DTX1: variants seen among roughly 807,000 people sequenced by gnomAD.
DTX1 encodes deltex E3 ubiquitin ligase 1.
Under a neutral mutation model 57.8 loss-of-function variants are expected in DTX1, and 26 were observed. That is an observed-to-expected ratio of 0.45 (90% CI 0.33 to 0.62). The LOEUF is 0.62. Among genes scored for constraint, DTX1 ranks in the 20% least tolerant of loss-of-function variants. DTX1 has a pLI of 0.02. For missense variants in DTX1, 704 were observed against 895.3 expected, an observed-to-expected ratio of 0.79 and a Z score of 2.73; for synonymous variants, 398 against 394.1, an observed-to-expected ratio of 1.01 and a Z score of -0.12.
In DTX1 at chr12:113,079,621, G is replaced by A. The variant is rs566715447; in HGVS notation, c.941+1516G>A. Among the ~76,000 whole-genome samples the A allele has an allele frequency of 4.1e-5, 6 of 145,914 alleles. No homozygotes were observed. In the East Asian group the frequency reaches 1.0e-3, roughly 25 times the overall value. Reference sequence around the variant, plus strand: ...CCACTGACTGCAACTTCTGCCTCCAGGGTTCAAGTGATTCTTCTGCCTCAG... The same window carrying A: ...CCACTGACTGCAACTTCTGCCTCCAAGGTTCAAGTGATTCTTCTGCCTCAG... On this transcript the variant is annotated intron_variant, in intron 3 of 9. Coordinates refer to ENST00000548759, the MANE Select transcript of DTX1 (RefSeq NM_004416.3).
chr12:113,065,594 C>T (rs1320278231), intron 2 of DTX1, among the ~76,000 whole-genome samples: 1 of 152,142 alleles, frequency 6.6e-6, no homozygotes, highest in Non-Finnish European at 1.5e-5. Context: ...AAAGGAGCTG[C>T]GGAGTCTGAC....
At chr12:113,069,356 G>A (rs1566014798) in intron 2 of DTX1, among the ~76,000 whole-genome samples, 2 of 151,910 alleles carry the variant, frequency 1.3e-5, no homozygotes, top group Non-Finnish European at 2.9e-5. Flanking sequence ...GCCCGCCTCC[G>A]CCTGCCAGCA....
chr12:113,059,277 G>A (rs1471878515), intron 2 of DTX1, among the ~76,000 whole-genome samples: 5 of 152,118 alleles, frequency 3.3e-5, no homozygotes, highest in South Asian at 2.1e-4. Context: ...TGATAGTTGT[G>A]TTGGTGGTGG....
At chr12:113,073,132 C>T (rs1347027178) in intron 2 of DTX1, among the ~76,000 whole-genome samples, 2 of 152,140 alleles carry the variant, frequency 1.3e-5, no homozygotes, top group Non-Finnish European at 1.5e-5. Flanking sequence ...CCATTGCTTC[C>T]CTTCCTATCC....
At chr12:113,073,083 A>C (rs2044748513) in intron 2 of DTX1, among the ~76,000 whole-genome samples, 1 of 152,058 alleles carries the variant, frequency 6.6e-6, no homozygotes, top group Non-Finnish European at 1.5e-5. Context: ...TGCCGAGCTC[A>C]GGATTTGGCA....
intron 2 of DTX1, among the ~76,000 whole-genome samples, chr12:113,072,806 C>T (rs988823515): frequency 3.4e-5 from 5 of 148,030 alleles, no homozygotes; most frequent in Non-Finnish European, 4.4e-5. Flanking sequence ...TGGGTTCAAG[C>T]GATTCTCATG....
At chr12:113,086,695 ATT>A (rs1260826052) in intron 3 of DTX1, among the ~76,000 whole-genome samples, 2 of 149,250 alleles carry the variant, frequency 1.3e-5, no homozygotes, top group Non-Finnish European at 3.0e-5. Flanking sequence ...TTATGCTTTT[ATT>A]TTTAAAAAAT....
rs569941599 is a variant in DTX1 at position 113,095,349 on chromosome 12, A to G, written c.1573A>G (p.Lys525Glu). The change falls in exon 9 of 10, where the codon AAG (lysine) becomes GAG (glutamate). Residue 525 changes from lysine to glutamate, a missense_variant. Transcript: ENST00000548759. The part of the protein sequence containing the change: ...IQGPEHPNPG[K>E]KFTARGFPRH... Reference sequence around the variant, plus strand: ...GGGCCCTGAGCACCCCAACCCCGGGAAGAAGTTCACCGCAAGAGGATTCCC... The same window carrying G: ...GGGCCCTGAGCACCCCAACCCCGGGGAGAAGTTCACCGCAAGAGGATTCCC... 2.5e-6 allele frequency: 4 copies of G among 1,614,142 alleles called. No homozygotes were observed. In the African/African-American group the frequency reaches 5.3e-5, roughly 22 times the overall value.
chr12:113,074,443 G>C (rs370777780), intron 2 of DTX1, among the ~76,000 whole-genome samples: 4 of 152,290 alleles, frequency 2.6e-5, no homozygotes, highest in African/African-American at 7.2e-5. Context: ...GACAGTGCCT[G>C]GTGTATTTGA....
chr12:113,065,388 G>C (rs1359330016), intron 2 of DTX1, among the ~76,000 whole-genome samples: 2 of 152,156 alleles, frequency 1.3e-5, no homozygotes, highest in South Asian at 4.2e-4. Flanking sequence ...GCCCTTCCCA[G>C]GCTCGCCCGG....
chr12:113,061,473 G>T (rs1463442416), intron 2 of DTX1, among the ~76,000 whole-genome samples: 1 of 152,204 alleles, frequency 6.6e-6, no homozygotes, highest in African/African-American at 2.4e-5. Context: ...GCCTCAACCG[G>T]CAGGGAGCAG....
intron 2 of DTX1, among the ~76,000 whole-genome samples, chr12:113,063,702 T>C (rs907868986): frequency 6.6e-6 from 1 of 152,234 alleles, no homozygotes; most frequent in African/African-American, 2.4e-5. Context: ...TGGCTGGTTC[T>C]GGGATCTTCC....
At chr12:113,061,298 A>C (rs538587269) in intron 2 of DTX1, among the ~76,000 whole-genome samples, 38 of 152,284 alleles carry the variant, frequency 2.5e-4, no homozygotes, top group Admixed American at 2.4e-3. Flanking sequence ...AGGCCTGGAA[A>C]CCTATTGCGA....
intron 2 of DTX1, 150 bp downstream of exon 2, chr12:113,058,601 T>C: frequency 1.5e-6 from 2 of 1,370,128 alleles, no homozygotes; most frequent in Non-Finnish European, 1.9e-6. Context: ...AGTCTAACCT[T>C]GTCCAGTTTA....
chr12:113,089,610 G>A (rs2136065362), intron 3 of DTX1, among the ~76,000 whole-genome samples: 1 of 152,176 alleles, frequency 6.6e-6, no homozygotes, highest in East Asian at 1.9e-4. Flanking sequence ...GGGCCGGGTG[G>A]CTCCCACGCT....
intron 2 of DTX1, among the ~76,000 whole-genome samples, chr12:113,066,418 C>T (rs765098566): frequency 3.3e-5 from 5 of 151,910 alleles, no homozygotes; most frequent in Admixed American, 3.3e-4. Flanking sequence ...ATCCCAGCTA[C>T]TCGGGAGGCC....
intron 3 of DTX1, among the ~76,000 whole-genome samples, chr12:113,086,872 C>T (rs2044862661): frequency 7.9e-6 from 1 of 127,002 alleles, no homozygotes; most frequent in Admixed American, 9.6e-5. Context: ...CAGTGACTGT[C>T]ACCCCGCCTC....
chr12:113,078,161 G>C (rs1208660481), intron 3 of DTX1, 56 bp downstream of exon 3: 6 of 1,270,378 alleles, frequency 4.7e-6, no homozygotes, highest in Non-Finnish European at 5.0e-6. Context: ...CAAGGACGAA[G>C]CCCGGGGGTG....
intron 2 of DTX1, among the ~76,000 whole-genome samples, chr12:113,070,122 G>A (rs747200879): frequency 2.0e-5 from 3 of 152,114 alleles, no homozygotes; most frequent in East Asian, 3.9e-4. Context: ...CTGTTTTCTC[G>A]CCTCTAAAAT....
Sources: gnomAD v4.1 joint callset for allele counts (sites outside exome capture counted in the v4.1 genomes callset) on GRCh38, gnomAD v4.1.1 for gene constraint, MANE v1.5 for transcripts, NCBI Gene and HGNC (gene_info 2026-07-23, HGNC 2026-07-21) for gene names.